MYH10: variants seen among roughly 807,000 people sequenced by gnomAD.
MYH10 encodes myosin-10.
Under a neutral mutation model 257.8 loss-of-function variants are expected in MYH10, and 55 were observed. The ratio of observed to expected loss-of-function variants is 0.21; its 90% confidence interval spans 0.17 to 0.27. The LOEUF is 0.27. Among genes scored for constraint, MYH10 ranks in the 10% least tolerant of loss-of-function variants. MYH10 has a pLI of 1.00. For synonymous variants in MYH10, 854 were observed against 921.7 expected (o/e 0.93, Z 1.33); for missense variants, 1,631 against 2,500.6 (o/e 0.65, Z 7.42).
At chr17:8,571,727 C>G (rs2152006209) in intron 6 of MYH10, among the ~76,000 whole-genome samples, 1 of 151,912 alleles carries the variant, frequency 6.6e-6, no homozygotes, top group African/African-American at 2.4e-5. Context: ...CACTGCACTC[C>G]AGCCTGGGAG....
chr17:8,582,550 G>A (rs544569697), intron 4 of MYH10, among the ~76,000 whole-genome samples: 1 of 152,342 alleles, frequency 6.6e-6, no homozygotes, highest in South Asian at 2.1e-4. Context: ...AAGCTAACAA[G>A]AACAAAGCAA....
At chr17:8,532,277 A>G (rs1025600149) in intron 16 of MYH10, among the ~76,000 whole-genome samples, 35 of 152,224 alleles carry the variant, frequency 2.3e-4, no homozygotes, top group African/African-American at 7.2e-4. Flanking sequence ...TCCCAACGGC[A>G]TATCTCTGGA....
In MYH10 at chr17:8,499,250, A is replaced by G; in HGVS notation, c.3951+20T>C. 6.2e-7 allele frequency: 1 copy of G among 1,609,880 alleles called. No homozygotes were observed. Among genetic ancestry groups the G allele is most frequent in the South Asian group, 1.1e-5 (1 of 90,744 alleles). ...ACATGCTACAGTGGGACGTGTGTAG[A>G]GCGGAGGTTTCTGGCTTACCTGCAG... is the stretch of plus-strand genomic sequence containing the variant. On this transcript the variant is annotated intron_variant, in intron 30 of 42. Transcript: ENST00000360416.
At chr17:8,512,313 T>C (rs910956049) in intron 24 of MYH10, 138 bp downstream of exon 24, 45 of 652,316 alleles carry the variant, frequency 6.9e-5, no homozygotes, top group Non-Finnish European at 1.2e-4. Context: ...TGGTCATCTT[T>C]CTAAGAGTGG....
chr17:8,598,490 C>T (rs958883431), intron 3 of MYH10, among the ~76,000 whole-genome samples: 1 of 152,106 alleles, frequency 6.6e-6, no homozygotes, highest in African/African-American at 2.4e-5. Context: ...TTTCATTGTA[C>T]TTTTAAGTAC....
At chr17:8,605,137 G>A (rs1249200029) in intron 2 of MYH10, among the ~76,000 whole-genome samples, 155 bp from the exon 3 acceptor site, 2 of 152,080 alleles carry the variant, frequency 1.3e-5, no homozygotes, top group East Asian at 3.8e-4. Flanking sequence ...AGCCTATAAT[G>A]GGCAATTTAG....
At chr17:8,588,813 C>T (rs943943274) in intron 4 of MYH10, among the ~76,000 whole-genome samples, 4 of 152,142 alleles carry the variant, frequency 2.6e-5, no homozygotes, top group African/African-American at 9.7e-5. Flanking sequence ...ATTACTGAAA[C>T]GTCCAGTAGG....
chr17:8,485,386 A>G (rs1914580588), intron 36 of MYH10, among the ~76,000 whole-genome samples: 1 of 151,494 alleles, frequency 6.6e-6, no homozygotes, highest in Admixed American at 6.6e-5. Context: ...AAGACTTAAT[A>G]TTGTTAAAAT....
Position 8,535,842 on chromosome 17 carries a change from T to G in MYH10, c.1695A>C (p.Gln565His). The G allele has an allele frequency of 6.2e-7, 1 of 1,614,222 alleles. No homozygotes were observed. Among genetic ancestry groups the G allele is most frequent in the East Asian group, 2.2e-5 (1 of 44,878 alleles). Residue 565 changes from glutamine to histidine, a missense_variant, in exon 15 of 43, where the codon CAA (glutamine) becomes CAC (histidine). Gln to His is a conservative substitution (Grantham distance 24). Around this residue, in one of 11 missense-constraint regions of MYH10, gnomAD observed 63 missense variants for 167.9 expected, o/e 0.38. Transcript: ENST00000360416. This position sits in a 1 kb window ranked among gnomAD's most constrained non-coding sequence, Gnocchi z 4.3. ...GAAACTTGGAGTGGGAACCTTGCTC[T>G]TGAACCAGTTTTTCAACAAAGGTTT... is the stretch of plus-strand genomic sequence containing the variant. Reference protein sequence around the residue: ...TDKTFVEKLVQEQGSHSKFQK... With the variant: ...TDKTFVEKLVHEQGSHSKFQK...
intron 12 of MYH10, 101 bp downstream of exon 12, chr17:8,546,443 C>A: frequency 5.5e-6 from 5 of 906,574 alleles, no homozygotes; most frequent in Admixed American, 4.6e-5. Flanking sequence ...CCATGTAAGA[C>A]AGTTTATATT....
intron 7 of MYH10, among the ~76,000 whole-genome samples, chr17:8,558,788 A>C (rs2082891740): frequency 6.6e-6 from 1 of 152,204 alleles, no homozygotes; most frequent in Non-Finnish European, 1.5e-5. Context: ...GTAATTATAA[A>C]ACATTTTCAT....
chr17:8,504,931 G>A lies in MYH10; in HGVS notation c.3387-25C>T, dbSNP rs751177759. On this transcript the variant is annotated intron_variant, in intron 27 of 42. Transcript: ENST00000360416. This position sits in a 1 kb window ranked among gnomAD's most constrained non-coding sequence, Gnocchi z 5.6. Reference sequence around the variant, plus strand: ...TCTGTTAAAACACCCAGGCGCAAGAGGCACTCAGAGATGGCACCCGGATGG... The same window carrying A: ...TCTGTTAAAACACCCAGGCGCAAGAAGCACTCAGAGATGGCACCCGGATGG... 28 of 1,605,110 alleles carry A rather than the reference G, an allele frequency of 1.7e-5. No homozygotes were observed. The South Asian group carries it at 1.8e-4, about 10-fold the overall frequency.
chr17:8,515,302 G>A (rs2081429175), intron 21 of MYH10, among the ~76,000 whole-genome samples: 1 of 152,102 alleles, frequency 6.6e-6, no homozygotes, highest in Non-Finnish European at 1.5e-5. Flanking sequence ...AGCAAACAGC[G>A]GTATCAGGAG....
At chr17:8,587,264 T>C (rs1320417653) in intron 4 of MYH10, among the ~76,000 whole-genome samples, 2 of 152,160 alleles carry the variant, frequency 1.3e-5, no homozygotes, top group Non-Finnish European at 2.9e-5. Flanking sequence ...CCAATCCAAC[T>C]GCTGGGAAAC....
At chr17:8,593,974 GAA>G (rs1567954838) in intron 3 of MYH10, among the ~76,000 whole-genome samples, 1 of 152,258 alleles carries the variant, frequency 6.6e-6, no homozygotes, top group Middle Eastern at 3.4e-3. Flanking sequence ...CTGGCAAAAG[GAA>G]AGACATATAG....
rs1358030555 is a variant in MYH10, at chr17:8,474,535, GATTC to G, written c.*1265_*1268del. ...GGATCAAGGATTTAGAATTAACACTGATTCATTGTCACTGAATGTCTGTAATACC... is the reference window on the plus strand; with the variant it reads ...GGATCAAGGATTTAGAATTAACACTGATTGTCACTGAATGTCTGTAATACC... On this transcript the variant is annotated 3_prime_UTR_variant, in exon 43 of 43. Coordinates refer to ENST00000360416, the MANE Select transcript of MYH10 (RefSeq NM_001256012.3). 1 of 152,628 alleles carries G rather than the reference GATTC, an allele frequency of 6.6e-6. No homozygotes were observed. Among genetic ancestry groups the G allele is most frequent in the Non-Finnish European group, 1.5e-5 (1 of 68,044 alleles). 9.5% of individuals were successfully genotyped at this position (152,628 alleles called of 1,614,324 possible). A position where few individuals can be genotyped will look rare whatever the true frequency, so the allele number is the denominator to read the frequency against.
At chr17:8,603,500 G>T (rs1308265282) in intron 3 of MYH10, among the ~76,000 whole-genome samples, 2 of 152,100 alleles carry the variant, frequency 1.3e-5, no homozygotes, top group Admixed American at 1.3e-4. Context: ...AAGACCAGAG[G>T]GTCAACAATC....
rs1345563035 is a variant in MYH10 at position 8,477,549 on chromosome 17, C to G, written c.5707-501G>C. 6.6e-6 allele frequency among the ~76,000 whole-genome samples: 1 copy of G among 152,116 alleles called. No homozygotes were observed. On this transcript the variant is annotated intron_variant, in intron 41 of 42. Coordinates refer to ENST00000360416, the MANE Select transcript of MYH10 (RefSeq NM_001256012.3). The surrounding 1 kb of genome is among the most constrained non-coding windows in gnomAD (Gnocchi z 4.2). ...AGAACTAAGAGCCTCCCTTTTGGAC[C>G]CTTCATTCCTGAGCCACACAGGCAC...
At chr17:8,507,020 C>T (rs1310271569) in intron 26 of MYH10, among the ~76,000 whole-genome samples, 2 of 152,222 alleles carry the variant, frequency 1.3e-5, no homozygotes, top group Non-Finnish European at 2.9e-5. Flanking sequence ...TCAGTTAGCC[C>T]TAGTGATCTA....
Sources: gnomAD v4.1 joint callset for allele counts (sites outside exome capture counted in the v4.1 genomes callset) on GRCh38, gnomAD v4.1.1 for gene constraint, gnomAD v4.1.1 regional missense constraint, Gnocchi (gnomAD v3.1) non-coding constraint, MANE v1.5 for transcripts, NCBI Gene and HGNC (gene_info 2026-07-23, HGNC 2026-07-21) for gene names.